Variants in UGT2A3 observed in about 807,000 individuals in gnomAD.
UGT2A3 encodes UDP-glucuronosyltransferase 2A3.
UGT2A3 carries 55 observed loss-of-function variants against 44.1 expected under a neutral mutation model. The ratio of observed to expected loss-of-function variants is 1.25; its 90% CI spans 1.00 to 1.56. The LOEUF (loss-of-function observed/expected upper bound fraction) is 1.56. Among genes scored for constraint, UGT2A3 ranks in the 40% most tolerant of loss-of-function variants. The pLI, the probability that UGT2A3 is intolerant of heterozygous loss-of-function variation, is 0.00. For missense variants in UGT2A3, 733 were observed against 621.6 expected (o/e 1.18, Z -1.91); for synonymous variants, 243 against 215.1 (o/e 1.13, Z -1.13).
At chr4:68,946,102 T>C (rs1718375115) in intron 1 of UGT2A3, among the ~76,000 whole-genome samples, 1 of 151,634 alleles carries the variant, frequency 6.6e-6, no homozygotes. Context: ...GCTATGATAA[T>C]CATACACTTA....
At chr4:68,933,570 A>G (rs181681808) in intron 2 of UGT2A3, among the ~76,000 whole-genome samples, 96 of 152,138 alleles carry the variant, frequency 6.3e-4, no homozygotes, top group Admixed American at 1.6e-3. Context: ...ATCAGCAGGG[A>G]ATTCACTGAT....
At chr4:68,930,418 G>T (rs2109774793) in intron 5 of UGT2A3, 128 bp downstream of exon 5, 1 of 907,630 alleles carries the variant, frequency 1.1e-6, no homozygotes, top group Non-Finnish European at 1.6e-6. Flanking sequence ...CAGTAACAAG[G>T]TGATGAATGA....
intron 2 of UGT2A3, among the ~76,000 whole-genome samples, chr4:68,942,329 C>T (rs1349180800): frequency 6.9e-6 from 1 of 144,128 alleles, no homozygotes; most frequent in Non-Finnish European, 1.5e-5. Context: ...ATCTCTCTCT[C>T]TCTCTCTCTC....
intron 1 of UGT2A3, among the ~76,000 whole-genome samples, chr4:68,947,616 G>T (rs1447742263): frequency 6.6e-6 from 1 of 151,582 alleles, no homozygotes; most frequent in Admixed American, 6.6e-5. Context: ...CTTTTGAAAA[G>T]GTTTTCAATA....
chr4:68,944,920 T>C (rs1385998368), intron 2 of UGT2A3, among the ~76,000 whole-genome samples: 2 of 151,780 alleles, frequency 1.3e-5, no homozygotes, highest in Non-Finnish European at 2.9e-5. Flanking sequence ...ATATCCAATA[T>C]GTCTCATGAA....
intron 1 of UGT2A3, among the ~76,000 whole-genome samples, chr4:68,950,684 A>G (rs1284813536): frequency 6.6e-6 from 1 of 151,848 alleles, no homozygotes; most frequent in Non-Finnish European, 1.5e-5. Context: ...CCTTCTGAAG[A>G]TTTTCTTAAA....
Position 68,931,243 on chromosome 4 carries a change from C to T in UGT2A3, c.997-1G>A. The T allele has an allele frequency of 3.1e-6, 5 of 1,611,302 alleles. No individual in the cohort carries two copies. Among genetic ancestry groups the T allele is most frequent in the Non-Finnish European group, 4.2e-6 (5 of 1,178,268 alleles). On this transcript the variant is annotated splice_acceptor_variant, in intron 3 of 5. Transcript: ENST00000251566. LOFTEE classifies it high-confidence loss of function. ...TTTTTCCTTTGTACCTCCATAACAC[C>T]TACGGAAGAAACACATGTATTTCAC...
At chr4:68,949,382 C>A (rs1004417283) in intron 1 of UGT2A3, among the ~76,000 whole-genome samples, 3 of 151,754 alleles carry the variant, frequency 2.0e-5, no homozygotes, top group Admixed American at 6.6e-5. Flanking sequence ...AACGAATCAG[C>A]GGAGCAGTTA....
chr4:68,934,461 C>CA (rs1418746133), intron 2 of UGT2A3, among the ~76,000 whole-genome samples: 1 of 151,826 alleles, frequency 6.6e-6, no homozygotes, highest in Non-Finnish European at 1.5e-5. Flanking sequence ...GGAAAATCAG[C>CA]AAAATATTGA....
intron 2 of UGT2A3, chr4:68,943,207 TTGTGTGTGTGTGTTTG>T: frequency 1.9e-6 from 1 of 530,962 alleles, no homozygotes; most frequent in Non-Finnish European, 2.9e-6. Flanking sequence ...GAGTGTGTGT[TTGTGTGTGTGTGTTTG>T]TGTGTGTGTG....
At position 68,928,569 on chromosome 4, in the gene UGT2A3, A is replaced by T. The variant is rs1717601039; in HGVS notation, c.*1244T>A. On this transcript the variant is annotated 3_prime_UTR_variant, in exon 6 of 6. Transcript: ENST00000251566. ...TTTTAAAATTGAAATTAATTTGTAG[A>T]TATACCTAATCAACATCTGTAAGAA... The T allele has an allele frequency of 6.6e-6, 1 of 152,164 alleles. No homozygotes were observed. Among genetic ancestry groups the T allele is most frequent in the East Asian group, 1.9e-4 (1 of 5,174 alleles). 9.4% of individuals were successfully genotyped at this position (152,164 alleles called of 1,614,324 possible). A position where few individuals can be genotyped will look rare whatever the true frequency, so the allele number is the denominator to read the frequency against.
intron 4 of UGT2A3, 83 bp from the exon 5 acceptor site, chr4:68,930,848 C>A (rs547630058): frequency 3.7e-5 from 44 of 1,192,284 alleles, no homozygotes; most frequent in African/African-American, 2.0e-4. Context: ...ATGGGAATTA[C>A]GAGATAACTC....
chr4:68,928,952 A>G lies in UGT2A3; in HGVS notation c.*861T>C, dbSNP rs1389656813. Reference sequence around the variant, plus strand: ...AAATTATACTTTTGATTATAGAGATAAGAATTATGAGTATTCATCATTTTT... The same window carrying G: ...AAATTATACTTTTGATTATAGAGATGAGAATTATGAGTATTCATCATTTTT... On this transcript the variant is annotated 3_prime_UTR_variant, in exon 6 of 6. Coordinates refer to ENST00000251566, the MANE Select transcript of UGT2A3 (RefSeq NM_024743.4). 6.6e-6 allele frequency: 1 copy of G among 152,088 alleles called. No homozygotes were observed. Among genetic ancestry groups the G allele is most frequent in the Non-Finnish European group, 1.5e-5 (1 of 67,986 alleles). The allele number at this position is 152,088 out of a possible 1,614,324, so 9.4% of individuals were successfully genotyped here. A position where few individuals can be genotyped will look rare whatever the true frequency, so the allele number is the denominator to read the frequency against.
chr4:68,941,739 A>G (rs893677546), intron 2 of UGT2A3, among the ~76,000 whole-genome samples: 4 of 152,052 alleles, frequency 2.6e-5, no homozygotes, highest in African/African-American at 9.6e-5. Flanking sequence ...TATGAATCTG[A>G]CAATAAGTTA....
chr4:68,937,739 C>T (rs370405370), intron 2 of UGT2A3, among the ~76,000 whole-genome samples: 3 of 151,840 alleles, frequency 2.0e-5, no homozygotes, highest in Admixed American at 6.6e-5. Context: ...GATAGGGACA[C>T]GAAAAACCCT....
chr4:68,939,408 A>C (rs1431492577), intron 2 of UGT2A3, among the ~76,000 whole-genome samples: 1 of 152,176 alleles, frequency 6.6e-6, no homozygotes, highest in African/African-American at 2.4e-5. Flanking sequence ...ATCTCTAACC[A>C]TGTGATCTTT....
At chr4:68,934,891 A>T (rs1242741089) in intron 2 of UGT2A3, among the ~76,000 whole-genome samples, 1 of 151,938 alleles carries the variant, frequency 6.6e-6, no homozygotes, top group African/African-American at 2.4e-5. Context: ...GATTCTTAAA[A>T]AAAAGGAAAA....
intron 1 of UGT2A3, among the ~76,000 whole-genome samples, chr4:68,948,052 G>GT (rs1718444653): frequency 6.6e-6 from 1 of 151,808 alleles, no homozygotes; most frequent in African/African-American, 2.4e-5. Context: ...GATTCAGCCT[G>GT]TTTTTTGTAG....
At chr4:68,932,230 T>C (rs1271969515) in intron 3 of UGT2A3, among the ~76,000 whole-genome samples, 1 of 151,856 alleles carries the variant, frequency 6.6e-6, no homozygotes, top group Admixed American at 6.6e-5. Flanking sequence ...CTGAATACAG[T>C]TTTTATACAC....
Sources: gnomAD v4.1 joint callset for allele counts (sites outside exome capture counted in the v4.1 genomes callset) on GRCh38, gnomAD v4.1.1 for gene constraint, MANE v1.5 for transcripts, NCBI Gene and HGNC (gene_info 2026-07-23, HGNC 2026-07-21) for gene names.